The following DHRS7B variants were observed in gnomAD, a reference collection of about 807,000 sequenced individuals.
DHRS7B encodes the protein dehydrogenase/reductase 7B, also known as peroxisomal reductase activating PPAR-gamma.
A neutral mutation model predicts 26.4 loss-of-function variants in DHRS7B; 24 were observed. The ratio of observed to expected loss-of-function variants is 0.91; its 90% CI spans 0.66 to 1.28. DHRS7B has a LOEUF of 1.28. Ranked by LOEUF, DHRS7B falls within the 50% of genes most tolerant of loss-of-function variation. DHRS7B has a pLI of 0.00. For synonymous variants in DHRS7B, 142 were observed against 166.4 expected (o/e 0.85, Z 1.13); for missense variants, 368 against 419.4 (o/e 0.88, Z 1.07).
intron 1 of DHRS7B, among the ~76,000 whole-genome samples, chr17:21,170,888 G>A (rs1346913617): frequency 6.6e-6 from 1 of 151,958 alleles, no homozygotes; most frequent in Non-Finnish European, 1.5e-5. Context: ...GGCTTGAGAT[G>A]GGATATTAAG....
chr17:21,171,048 C>CGG (rs139173260), intron 1 of DHRS7B, among the ~76,000 whole-genome samples: 1 of 151,446 alleles, frequency 6.6e-6, no homozygotes, highest in African/African-American at 2.4e-5. Context: ...GAGGTGGACT[C>CGG]GGGGGGGGCC....
At chr17:21,129,894 T>C (rs1973192710) in intron 1 of DHRS7B, among the ~76,000 whole-genome samples, 1 of 152,184 alleles carries the variant, frequency 6.6e-6, no homozygotes, top group African/African-American at 2.4e-5. Context: ...ATAAGAAGAC[T>C]TGACAGCACC....
chr17:21,133,355 A>G (rs1172326674), intron 1 of DHRS7B, among the ~76,000 whole-genome samples: 1 of 152,234 alleles, frequency 6.6e-6, no homozygotes, highest in African/African-American at 2.4e-5. Flanking sequence ...ATGAGACATC[A>G]ATCAATATAT....
At chr17:21,158,604 A>C (rs989843185) in intron 1 of DHRS7B, among the ~76,000 whole-genome samples, 2 of 152,248 alleles carry the variant, frequency 1.3e-5, no homozygotes, top group Non-Finnish European at 2.9e-5. Context: ...CAATAATGTC[A>C]AGATATAATT....
At chr17:21,162,822 T>G (rs886789701) in intron 1 of DHRS7B, among the ~76,000 whole-genome samples, 1 of 152,222 alleles carries the variant, frequency 6.6e-6, no homozygotes, top group Non-Finnish European at 1.5e-5. Flanking sequence ...AAAAAGTATT[T>G]AGCATTGAGA....
At chr17:21,162,938 G>A (rs972053815) in intron 1 of DHRS7B, among the ~76,000 whole-genome samples, 37 of 152,262 alleles carry the variant, frequency 2.4e-4, no homozygotes, top group African/African-American at 7.9e-4. Context: ...GCTCACGCCT[G>A]TAATCTCAGC....
intron 1 of DHRS7B, among the ~76,000 whole-genome samples, chr17:21,134,853 C>T (rs1373126590): frequency 6.6e-6 from 1 of 152,170 alleles, no homozygotes; most frequent in African/African-American, 2.4e-5. Context: ...AACAAAGGAT[C>T]AGCAAACATT....
intron 5 of DHRS7B, among the ~76,000 whole-genome samples, chr17:21,187,907 G>A (rs1024551935): frequency 6.6e-6 from 1 of 151,690 alleles, no homozygotes; most frequent in African/African-American, 2.4e-5. Flanking sequence ...GGAGTGCAGT[G>A]GCGCGATCTC....
chr17:21,178,515 A>T (rs908104344), intron 3 of DHRS7B, among the ~76,000 whole-genome samples, 173 bp downstream of exon 3: 10 of 152,320 alleles, frequency 6.6e-5, no homozygotes, highest in African/African-American at 1.4e-4. Flanking sequence ...ATAGGGAGAG[A>T]GAACTGTCCA....
At chr17:21,172,254 G>A in intron 2 of DHRS7B, 58 bp downstream of exon 2, 2 of 1,554,536 alleles carry the variant, frequency 1.3e-6, no homozygotes, top group East Asian at 2.4e-5. Flanking sequence ...GGGATGAGGA[G>A]CGGCCCAGCT....
At chr17:21,159,487 C>T (rs114623398) in intron 1 of DHRS7B, among the ~76,000 whole-genome samples, 2,946 of 151,716 alleles carry the variant, frequency 0.019, 112 homozygotes, top group African/African-American at 0.068. Context: ...AAGCTCCTGA[C>T]CTCATGATCC....
At chr17:21,178,619 C>A (rs181959356) in intron 3 of DHRS7B, among the ~76,000 whole-genome samples, 441 of 151,202 alleles carry the variant, frequency 2.9e-3, no homozygotes, top group African/African-American at 0.01. Flanking sequence ...GCTCTACTTA[C>A]TGGGTGGGAG....
intron 1 of DHRS7B, among the ~76,000 whole-genome samples, chr17:21,135,181 A>G (rs1219855421): frequency 1.3e-5 from 2 of 152,212 alleles, no homozygotes; most frequent in Non-Finnish European, 2.9e-5. Context: ...CTGATAATGT[A>G]TACTAAGTTA....
chr17:21,134,286 A>G (rs1973297271), intron 1 of DHRS7B, among the ~76,000 whole-genome samples: 1 of 151,610 alleles, frequency 6.6e-6, no homozygotes, highest in African/African-American at 2.4e-5. Flanking sequence ...AGCAAGAATA[A>G]TTTTTTTTTA....
chr17:21,138,087 TATATATATATATATACAC>T (rs1567616073), intron 1 of DHRS7B, among the ~76,000 whole-genome samples: 37 of 62,944 alleles, frequency 5.9e-4, no homozygotes, highest in African/African-American at 2.3e-3. Context: ...TATATATATA[TATATATATATATATACAC>T]ACACACACAC....
At chr17:21,137,890 C>T (rs1290884653) in intron 1 of DHRS7B, among the ~76,000 whole-genome samples, 1 of 149,234 alleles carries the variant, frequency 6.7e-6, no homozygotes, top group Non-Finnish European at 1.5e-5. Flanking sequence ...CGCACCCAGC[C>T]TCTGGCTAAT....
intron 3 of DHRS7B, among the ~76,000 whole-genome samples, chr17:21,178,867 C>T (rs4270228): frequency 0.32 from 47,921 of 151,898 alleles, 7,644 homozygotes; most frequent in Middle Eastern, 0.38. Flanking sequence ...CCATATTGAC[C>T]AGGCTGGACT....
intron 1 of DHRS7B, among the ~76,000 whole-genome samples, chr17:21,171,453 G>A (rs1158375031): frequency 6.6e-6 from 1 of 152,220 alleles, no homozygotes; most frequent in Non-Finnish European, 1.5e-5. Context: ...AATCCCCTTT[G>A]GGTGTCTGTG....
intron 1 of DHRS7B, among the ~76,000 whole-genome samples, chr17:21,130,069 GC>G (rs1973195695): frequency 6.6e-6 from 1 of 152,192 alleles, no homozygotes; most frequent in Non-Finnish European, 1.5e-5. Flanking sequence ...TAGGGATAGG[GC>G]TGGGGCATTG....
Sources: allele counts gnomAD v4.1 joint callset (sites outside exome capture counted in the v4.1 genomes callset), GRCh38; gene constraint gnomAD v4.1.1; transcripts MANE v1.5; gene names NCBI Gene and HGNC (gene_info 2026-07-23, HGNC 2026-07-21).